PKP4: variants seen among roughly 807,000 people sequenced by gnomAD.
The protein encoded by PKP4 is plakophilin-4.
PKP4 carries 90 observed loss-of-function variants against 145.1 expected under a neutral mutation model. That is an observed-to-expected ratio of 0.62 (90% CI 0.52 to 0.74). The LOEUF (loss-of-function observed/expected upper bound fraction) is 0.74, where lower values mean the gene tolerates loss of function less well. Ranked by LOEUF, PKP4 falls within the 30% of genes least tolerant of loss-of-function variation. PKP4 has a pLI of 0.00. For synonymous variants in PKP4, 563 were observed against 577.2 expected (o/e 0.98, Z 0.35); for missense variants, 1,340 against 1,482.7 (o/e 0.90, Z 1.58).
intron 4 of PKP4, among the ~76,000 whole-genome samples, chr2:158,616,587 G>A (rs777462737): frequency 6.6e-6 from 1 of 152,112 alleles, no homozygotes; most frequent in African/African-American, 2.4e-5. Flanking sequence ...CCTTAACCTC[G>A]GGTGCTATTG....
intron 19 of PKP4, 54 bp downstream of exon 19, chr2:158,674,054 T>C (rs1371567913): frequency 1.0e-6 from 1 of 968,120 alleles, no homozygotes; most frequent in East Asian, 2.4e-5. Flanking sequence ...CAGAACATTG[T>C]TCCCCAGCCA....
At chr2:158,563,556 A>G (rs2046717851) in intron 2 of PKP4, among the ~76,000 whole-genome samples, 2 of 152,234 alleles carry the variant, frequency 1.3e-5, no homozygotes, top group Middle Eastern at 3.4e-3. Context: ...ATGGAATCCT[A>G]TTATGTAGAT....
chr2:158,494,847 T>C (rs900172262), intron 1 of PKP4, among the ~76,000 whole-genome samples: 1 of 152,020 alleles, frequency 6.6e-6, no homozygotes, highest in Non-Finnish European at 1.5e-5. Context: ...GCAAAAACTT[T>C]AATGAGATGA....
At chr2:158,463,195 T>G (rs537706050) in intron 1 of PKP4, among the ~76,000 whole-genome samples, 26 of 152,290 alleles carry the variant, frequency 1.7e-4, no homozygotes, top group Non-Finnish European at 3.8e-4. Context: ...AGGCAATACT[T>G]AGAGAGGCAT....
intron 1 of PKP4, among the ~76,000 whole-genome samples, chr2:158,476,720 T>C (rs1016433373): frequency 6.6e-6 from 1 of 152,166 alleles, no homozygotes; most frequent in Non-Finnish European, 1.5e-5. Flanking sequence ...TAGTTTTTTT[T>C]TTTTCTGATT....
rs112803464 is a variant in PKP4 at position 158,663,108 on chromosome 2, T to C, written c.2403+20T>C. ...GATCAAGTTAGCATTTTATTTTATA[T>C]GAGACTCTCAAGTTTAATTTTTCTG... On this transcript the variant is annotated intron_variant, in intron 14 of 21. Transcript: ENST00000389759. 1.3e-6 allele frequency: 2 copies of C among 1,572,658 alleles called. No individual in the cohort carries two copies. Among genetic ancestry groups the C allele is most frequent in the South Asian group, 1.2e-5 (1 of 85,738 alleles).
At chr2:158,472,112 G>A (rs904714275) in intron 1 of PKP4, among the ~76,000 whole-genome samples, 8 of 152,148 alleles carry the variant, frequency 5.3e-5, no homozygotes, top group Admixed American at 2.6e-4. Flanking sequence ...GGTGAATATC[G>A]TTAATGATAA....
At position 158,533,235 on chromosome 2, in the gene PKP4, C is replaced by A. The variant is rs758211256; in HGVS notation, c.51C>A (p.Thr17=). ...TGGTGGAGGAGGGGCAACCACAGACCCGCCAGGAAGCTGCCTCCACTGGCC... is the reference window on the plus strand; with the variant it reads ...TGGTGGAGGAGGGGCAACCACAGACACGCCAGGAAGCTGCCTCCACTGGCC... ...ASLVEEGQPQ[T]RQEAASTGPG... Residue 17 remains threonine (T), a synonymous_variant, in exon 2 of 22, where the codon ACC becomes ACA. Transcript: ENST00000389759. 1.2e-6 allele frequency: 2 copies of A among 1,613,782 alleles called. No individual in the cohort carries two copies. Among genetic ancestry groups the A allele is most frequent in the East Asian group, 4.5e-5 (2 of 44,884 alleles).
At chr2:158,612,729 A>G (rs570230083) in intron 4 of PKP4, among the ~76,000 whole-genome samples, 1 of 152,322 alleles carries the variant, frequency 6.6e-6, no homozygotes, top group South Asian at 2.1e-4. Flanking sequence ...ATCATAAAAC[A>G]GGAACAGATT....
chr2:158,662,967 G>T lies in PKP4; in HGVS notation c.2282G>T (p.Arg761Leu). 1 of 1,613,608 alleles carries T rather than the reference G, an allele frequency of 6.2e-7. No individual in the cohort carries two copies. The highest frequency in any genetic ancestry group is 1.3e-5 in the African/African-American group (1 of 74,978). ...CTGGAGCTGGAGGTGCCCCAGGCCC[G>T]GTTACTGGGACTGAACGAATTGGAT... ...YRLELEVPQA[R>L]LLGLNELDDL... Residue 761 changes from arginine (R) to leucine (L), a missense_variant, in exon 14 of 22, where the codon CGG (arginine) becomes CTG (leucine). By Grantham distance (102) the Arg-to-Leu change is moderately radical. Coordinates refer to ENST00000389759, the MANE Select transcript of PKP4 (RefSeq NM_003628.6).
intron 4 of PKP4, among the ~76,000 whole-genome samples, chr2:158,606,534 T>G (rs530450726): frequency 6.6e-6 from 1 of 152,286 alleles, no homozygotes; most frequent in Non-Finnish European, 1.5e-5. Context: ...ATGTAATATA[T>G]ACTCATCAAA....
At chr2:158,576,000 T>C (rs1559345576) in intron 2 of PKP4, among the ~76,000 whole-genome samples, 1 of 152,216 alleles carries the variant, frequency 6.6e-6, no homozygotes, top group African/African-American at 2.4e-5. Flanking sequence ...TATGATCATA[T>C]TGTACAGCAT....
intron 3 of PKP4, among the ~76,000 whole-genome samples, chr2:158,600,981 C>T (rs1001379060): frequency 2.0e-5 from 3 of 152,180 alleles, no homozygotes; most frequent in Admixed American, 2.0e-4. Context: ...GTTGCTGGAG[C>T]TTCCTACCTA....
chr2:158,614,472 C>G (rs1231667616), intron 4 of PKP4, among the ~76,000 whole-genome samples: 3 of 152,118 alleles, frequency 2.0e-5, no homozygotes, highest in Admixed American at 6.5e-5. Flanking sequence ...GTGGATATTA[C>G]TTAATTTGTA....
At chr2:158,553,046 G>T (rs1303074044) in intron 2 of PKP4, among the ~76,000 whole-genome samples, 1 of 152,120 alleles carries the variant, frequency 6.6e-6, no homozygotes, top group Non-Finnish European at 1.5e-5. Flanking sequence ...CAGTCCTGTA[G>T]AAAGCATGTA....
At chr2:158,571,321 G>A (rs1264850786) in intron 2 of PKP4, among the ~76,000 whole-genome samples, 1 of 152,174 alleles carries the variant, frequency 6.6e-6, no homozygotes, top group Non-Finnish European at 1.5e-5. Context: ...AGGAAAACAT[G>A]ATTTACTAAT....
At chr2:158,551,557 T>C (rs1397156208) in intron 2 of PKP4, among the ~76,000 whole-genome samples, 1 of 152,208 alleles carries the variant, frequency 6.6e-6, no homozygotes, top group African/African-American at 2.4e-5. Context: ...TTATTTACTC[T>C]AACTCCTAAG....
intron 1 of PKP4, among the ~76,000 whole-genome samples, chr2:158,521,358 C>T (rs1297728398): frequency 6.6e-6 from 1 of 152,154 alleles, no homozygotes; most frequent in Non-Finnish European, 1.5e-5. Flanking sequence ...AGATTTTCTC[C>T]TCTTCGTACA....
intron 4 of PKP4, among the ~76,000 whole-genome samples, chr2:158,604,763 T>C (rs1456134632): frequency 1.3e-5 from 2 of 152,148 alleles, no homozygotes; most frequent in Non-Finnish European, 2.9e-5. Flanking sequence ...CATTTAGAAA[T>C]GTGATTACTA....
Sources: gnomAD v4.1 joint callset for allele counts (sites outside exome capture counted in the v4.1 genomes callset) on GRCh38, gnomAD v4.1.1 for gene constraint, MANE v1.5 for transcripts, NCBI Gene and HGNC (gene_info 2026-07-23, HGNC 2026-07-21) for gene names.